The following NEK1 variants were observed in gnomAD, a reference collection of about 807,000 sequenced individuals.
NEK1 encodes NIMA related kinase 1, also known as serine/threonine-protein kinase Nek1.
NEK1 carries 137 observed loss-of-function variants against 182.1 expected under a neutral mutation model. The ratio of observed to expected loss-of-function variants is 0.75; its 90% CI spans 0.65 to 0.87. NEK1 has a LOEUF of 0.87. NEK1 is among the 40% of genes least tolerant of loss of function. The probability of loss-of-function intolerance (pLI) is 0.00; values close to 1 mark genes in which losing one functional copy is unlikely to be tolerated. For synonymous variants in NEK1, 513 were observed against 492.2 expected, an observed-to-expected ratio of 1.04 and a Z score of -0.56; for missense variants, 1,391 against 1,494.4, an observed-to-expected ratio of 0.93 and a Z score of 1.14.
chr4:169,492,219 G>A (rs1750228892), intron 23 of NEK1, among the ~76,000 whole-genome samples: 1 of 152,156 alleles, frequency 6.6e-6, no homozygotes, highest in Non-Finnish European at 1.5e-5. Flanking sequence ...AGATTCAGAC[G>A]CTGCTTCAAG....
At chr4:169,514,834 T>C (rs1754853975) in intron 19 of NEK1, among the ~76,000 whole-genome samples, 1 of 152,182 alleles carries the variant, frequency 6.6e-6, no homozygotes, top group Admixed American at 6.5e-5. Context: ...GTATTACTGG[T>C]CTCAATTTTA....
chr4:169,464,287 G>A (rs1231258495), intron 26 of NEK1, among the ~76,000 whole-genome samples: 5 of 152,154 alleles, frequency 3.3e-5, no homozygotes, highest in Non-Finnish European at 5.9e-5. Context: ...AGCAACCGCA[G>A]GCTTTCAGTC....
At chr4:169,462,347 C>A (rs936883182) in intron 27 of NEK1, among the ~76,000 whole-genome samples, 1 of 152,038 alleles carries the variant, frequency 6.6e-6, no homozygotes, top group African/African-American at 2.4e-5. Context: ...AGAATGTGAA[C>A]AAATTAATTA....
chr4:169,527,818 AATTAC>A (rs1757105116), intron 19 of NEK1, among the ~76,000 whole-genome samples: 1 of 152,164 alleles, frequency 6.6e-6, no homozygotes, highest in South Asian at 2.1e-4. Flanking sequence ...ACATATCAAT[AATTAC>A]ATTAAACGTC....
chr4:169,579,039 A>G (rs1766169282), intron 11 of NEK1, among the ~76,000 whole-genome samples: 1 of 152,256 alleles, frequency 6.6e-6, no homozygotes, highest in Non-Finnish European at 1.5e-5. Flanking sequence ...AAGGGGCTAG[A>G]GGCGCAAAAG....
At chr4:169,595,799 TGTA>T (rs1385663883) in intron 5 of NEK1, among the ~76,000 whole-genome samples, 13 of 151,546 alleles carry the variant, frequency 8.6e-5, no homozygotes, top group African/African-American at 3.1e-4. Flanking sequence ...GGCGGGCGCC[TGTA>T]GTCCCTGCTA....
intron 29 of NEK1, among the ~76,000 whole-genome samples, chr4:169,428,370 A>ATG (rs1736800132): frequency 6.9e-6 from 1 of 145,608 alleles, no homozygotes; most frequent in Non-Finnish European, 1.5e-5. Context: ...ATATATATAT[A>ATG]TAATGGAATA....
chr4:169,395,896 A>G (rs1472126037), intron 35 of NEK1, among the ~76,000 whole-genome samples: 2 of 152,240 alleles, frequency 1.3e-5, no homozygotes, highest in African/African-American at 4.8e-5. Context: ...TAGAAACACT[A>G]CATAAATGGT....
chr4:169,551,264 G>A (rs1214946534), intron 18 of NEK1, among the ~76,000 whole-genome samples: 2 of 152,136 alleles, frequency 1.3e-5, no homozygotes, highest in Non-Finnish European at 2.9e-5. Context: ...ATCATACACT[G>A]TTGGGTTAAG....
At chr4:169,426,601 A>G (rs1290527877) in intron 29 of NEK1, among the ~76,000 whole-genome samples, 2 of 152,226 alleles carry the variant, frequency 1.3e-5, no homozygotes, top group African/African-American at 4.8e-5. Context: ...ATTAGTTGGG[A>G]AAAGTCCCGA....
chr4:169,522,134 T>A (rs924423909), intron 19 of NEK1, among the ~76,000 whole-genome samples: 1 of 152,230 alleles, frequency 6.6e-6, no homozygotes, highest in African/African-American at 2.4e-5. Flanking sequence ...CTATCTTCTG[T>A]CATCATCTCC....
In NEK1 at chr4:169,446,708, T is replaced by C. The variant is rs574774022; in HGVS notation, c.2588-8449A>G. ...TTACCAGATACATTTAACAAAAAGA[T>C]TGAAATAATTAAAAAGAATCAAGCA... On this transcript the variant is annotated intron_variant, in intron 27 of 35. Coordinates refer to ENST00000507142, the MANE Select transcript of NEK1 (RefSeq NM_001199397.3). Among the ~76,000 whole-genome samples, 3 of 151,880 alleles carry C rather than the reference T, an allele frequency of 2.0e-5. No homozygotes were observed. In the East Asian group the frequency reaches 5.8e-4, roughly 29 times the overall value.
intron 10 of NEK1, among the ~76,000 whole-genome samples, chr4:169,582,305 C>T (rs1287342849): frequency 6.6e-6 from 1 of 152,082 alleles, no homozygotes; most frequent in Non-Finnish European, 1.5e-5. Flanking sequence ...TTCTCAAAGT[C>T]TCATACCAGC....
At chr4:169,531,746 G>T (rs1757711869) in intron 19 of NEK1, among the ~76,000 whole-genome samples, 1 of 152,086 alleles carries the variant, frequency 6.6e-6, no homozygotes, top group African/African-American at 2.4e-5. Context: ...CACATAACGA[G>T]GAGGGATATG....
In NEK1 at chr4:169,394,523, T is replaced by C. The variant is rs1365239217; in HGVS notation, c.3848A>G (p.Asp1283Gly). 3 of 1,407,618 alleles carry C rather than the reference T, an allele frequency of 2.1e-6. No homozygotes were observed. Among genetic ancestry groups the C allele is most frequent in the Non-Finnish European group, 2.9e-6 (3 of 1,025,040 alleles). The allele number at this position is 1,407,618 out of a possible 1,614,324, so 87.2% of individuals were successfully genotyped here. ...ACATTTTGAGGATTATTCATCATTA[T>C]CTGTAGAAAAAAGAAAAAAATTGAC... Reference protein sequence around the residue: ...LVMADGAYQEDNDE With the variant: ...LVMADGAYQEGNDE Residue 1283 changes from aspartate (D) to glycine (G), a missense_variant and splice_region_variant, in exon 36 of 36, where the codon GAT becomes GGT. Asp to Gly is a moderately conservative substitution (Grantham distance 94). Around this residue, in one of 5 missense-constraint regions of NEK1, gnomAD observed 1,216 missense variants for 1,277.6 expected, o/e 0.95. Transcript: ENST00000507142.
chr4:169,401,759 G>A lies in NEK1; in HGVS notation c.3476C>T (p.Ser1159Leu). The part of the protein sequence containing the change: ...PGEEYSEEEE[S>L]VLKNSDVEPT... ...CTCCACATCACTGTTCTTCAAGACT[G>A]ACTCTTCTTCTTCACTGTATTCTTC... Residue 1159 changes from serine to leucine, a missense_variant, in exon 33 of 36, where the codon TCA becomes TTA. Around this residue, in one of 5 missense-constraint regions of NEK1, gnomAD observed 1,216 missense variants for 1,277.6 expected, o/e 0.95. Transcript: ENST00000507142. The A allele has an allele frequency of 6.2e-7, 1 of 1,613,854 alleles. No individual in the cohort carries two copies. Among genetic ancestry groups the A allele is most frequent in the Non-Finnish European group, 8.5e-7 (1 of 1,179,788 alleles).
intron 23 of NEK1, among the ~76,000 whole-genome samples, chr4:169,491,994 A>G (rs1580162173): frequency 6.6e-6 from 1 of 152,238 alleles, no homozygotes; most frequent in Admixed American, 6.5e-5. Flanking sequence ...GCAAAAAACT[A>G]CAGTAGATAC....
intron 2 of NEK1, among the ~76,000 whole-genome samples, chr4:169,610,863 C>G (rs1772209306): frequency 6.6e-6 from 1 of 152,222 alleles, no homozygotes; most frequent in Non-Finnish European, 1.5e-5. Flanking sequence ...TATGCAGCTA[C>G]AATCCATACA....
At chr4:169,449,278 T>G (rs772954335) in intron 27 of NEK1, among the ~76,000 whole-genome samples, 18 of 152,254 alleles carry the variant, frequency 1.2e-4, no homozygotes, top group Non-Finnish European at 2.2e-4. Context: ...TAAACGACCC[T>G]GTCTAACAGC....
Sources: allele counts gnomAD v4.1 joint callset (sites outside exome capture counted in the v4.1 genomes callset), GRCh38; gene constraint gnomAD v4.1.1; regional missense constraint gnomAD v4.1.1; transcripts MANE v1.5; gene names NCBI Gene and HGNC (gene_info 2026-07-23, HGNC 2026-07-21).